Variants in RAPGEF1 observed in about 807,000 individuals in gnomAD.
RAPGEF1 encodes Rap guanine nucleotide exchange factor 1.
A neutral mutation model predicts 143.3 loss-of-function variants in RAPGEF1; 33 were observed. The observed-to-expected ratio is 0.23, with a 90% CI of 0.17 to 0.31. The LOEUF is 0.31. RAPGEF1 is among the 10% of genes least tolerant of loss of function. The probability of loss-of-function intolerance (pLI) is 1.00; values close to 1 mark genes in which losing one functional copy is unlikely to be tolerated. For synonymous variants in RAPGEF1, 629 were observed against 676.5 expected, an observed-to-expected ratio of 0.93 and a Z score of 1.09; for missense variants, 1,199 against 1,645.4, an observed-to-expected ratio of 0.73 and a Z score of 4.69.
In RAPGEF1 at chr9:131,621,764, A is replaced by G. The variant is rs768653924; in HGVS notation, c.1905+32T>C. On this transcript the variant is annotated intron_variant, in intron 11 of 26. Coordinates refer to ENST00000683357, the MANE Select transcript of RAPGEF1 (RefSeq NM_001377935.1). The surrounding 1 kb of genome is among the most constrained non-coding windows in gnomAD (Gnocchi z 4.5). The stretch of plus-strand genomic sequence containing the variant: ...GTTCCTAGAGACCTGCTAGGATCGG[A>G]AGTTCTAGTCACAAGGGAAGGTGTC... The G allele has an allele frequency of 1.3e-6, 2 of 1,572,322 alleles. No individual in the cohort carries two copies. The highest frequency in any genetic ancestry group is 1.7e-6 in the Non-Finnish European group (2 of 1,159,048).
At position 131,579,034 on chromosome 9, in the gene RAPGEF1, G is replaced by A. The variant is rs1951481867; in HGVS notation, c.*463C>T. On this transcript the variant is annotated 3_prime_UTR_variant, in exon 27 of 27. Coordinates refer to ENST00000683357, the MANE Select transcript of RAPGEF1 (RefSeq NM_001377935.1). ...ACCCAGCTGCTTGCCCCCATTCCAG[G>A]GCCCCTGCAGGACAGGCCACCCCAG... 6.3e-6 allele frequency: 1 copy of A among 157,950 alleles called. No individual in the cohort carries two copies. The highest frequency in any genetic ancestry group is 1.8e-4 in the South Asian group (1 of 5,482). The allele number at this position is 157,950 out of a possible 1,614,324, so 9.8% of individuals were successfully genotyped here. A position where few individuals can be genotyped will look rare whatever the true frequency, so the allele number is the denominator to read the frequency against.
intron 1 of RAPGEF1, among the ~76,000 whole-genome samples, chr9:131,739,507 G>C (rs548498068): frequency 6.6e-6 from 1 of 151,656 alleles, no homozygotes; most frequent in South Asian, 2.1e-4. Flanking sequence ...ACCGCGGAGC[G>C]GCTAGCGCGC....
intron 3 of RAPGEF1, among the ~76,000 whole-genome samples, chr9:131,649,770 C>T (rs761964160): frequency 7.9e-5 from 12 of 152,128 alleles, no homozygotes; most frequent in Non-Finnish European, 1.3e-4. Context: ...CTTCAGAAGC[C>T]TTTTCCCTTC....
intron 1 of RAPGEF1, among the ~76,000 whole-genome samples, chr9:131,699,685 T>C (rs1405614877): frequency 6.6e-6 from 1 of 152,142 alleles, no homozygotes; most frequent in African/African-American, 2.4e-5. Context: ...AGGAACACTT[T>C]CTGCAGTTGG....
At chr9:131,723,508 C>T (rs920213463) in intron 1 of RAPGEF1, among the ~76,000 whole-genome samples, 8 of 152,336 alleles carry the variant, frequency 5.3e-5, no homozygotes, top group Admixed American at 1.3e-4. Flanking sequence ...AGGCACCTCA[C>T]GGTCTAGTGG....
chr9:131,674,984 G>A (rs1251413844), intron 1 of RAPGEF1, among the ~76,000 whole-genome samples: 1 of 152,160 alleles, frequency 6.6e-6, no homozygotes, highest in Non-Finnish European at 1.5e-5. Flanking sequence ...CCCAGAAGCA[G>A]ACTCCTGGGA....
chr9:131,589,470 G>A lies in RAPGEF1; in HGVS notation c.2867+416C>T, dbSNP rs551797240. Reference sequence around the variant, plus strand: ...GTCCGCCTGATGGAGATTTGTTAGCGGAACGGATATGGCCAAGTGCCATGC... The same window carrying A: ...GTCCGCCTGATGGAGATTTGTTAGCAGAACGGATATGGCCAAGTGCCATGC... On this transcript the variant is annotated intron_variant, in intron 19 of 26. Coordinates refer to ENST00000683357, the MANE Select transcript of RAPGEF1 (RefSeq NM_001377935.1). Among the ~76,000 whole-genome samples, 143 of 152,352 alleles carry A rather than the reference G, an allele frequency of 9.4e-4. 1 individual carries two copies. Among genetic ancestry groups the A allele is most frequent in the African/African-American group, 3.2e-3 (134 of 41,572 alleles).
intron 4 of RAPGEF1, 44 bp downstream of exon 4, chr9:131,643,195 G>A: frequency 6.4e-7 from 1 of 1,556,772 alleles, no homozygotes; most frequent in East Asian, 2.3e-5. Flanking sequence ...TGCTTCTAAG[G>A]CTTCCATTGT....
intron 15 of RAPGEF1, chr9:131,598,685 G>C: frequency 2.5e-6 from 1 of 403,146 alleles, no homozygotes; most frequent in Non-Finnish European, 4.9e-6. Context: ...CATTGCTCTT[G>C]AGGCTGCTCC....
intron 12 of RAPGEF1, among the ~76,000 whole-genome samples, chr9:131,607,610 A>G (rs1420711025): frequency 6.6e-6 from 1 of 152,072 alleles, no homozygotes. Flanking sequence ...GAACCCTTGT[A>G]TGACTGTTTC....
rs1972100156 is a variant in RAPGEF1 at position 131,655,113 on chromosome 9, C to T, written c.62-4164G>A. 6.6e-6 allele frequency among the ~76,000 whole-genome samples: 1 copy of T among 152,216 alleles called. No homozygotes were observed. The highest frequency in any genetic ancestry group is 6.5e-5 in the Admixed American group (1 of 15,280). Reference sequence around the variant, plus strand: ...TATTGCTGCACGTGACTTAACAAGGCCAAAGTTCAGTTCCCTTGCTAAAGA... The same window carrying T: ...TATTGCTGCACGTGACTTAACAAGGTCAAAGTTCAGTTCCCTTGCTAAAGA... On this transcript the variant is annotated intron_variant, in intron 1 of 26. Transcript: ENST00000683357. The surrounding 1 kb of genome is among the most constrained non-coding windows in gnomAD (Gnocchi z 4.1).
intron 16 of RAPGEF1, among the ~76,000 whole-genome samples, chr9:131,597,221 C>T (rs1435552495): frequency 1.3e-5 from 2 of 152,196 alleles, no homozygotes; most frequent in East Asian, 3.9e-4. Flanking sequence ...TATTTTTAGG[C>T]TTTGGTATTT....
chr9:131,640,601 ACTCTCG>A (rs1967639909), intron 4 of RAPGEF1, among the ~76,000 whole-genome samples: 1 of 151,762 alleles, frequency 6.6e-6, no homozygotes, highest in Non-Finnish European at 1.5e-5. Flanking sequence ...GACGAGTGTG[ACTCTCG>A]CTCTCACATG....
chr9:131,615,540 C>T (rs1958843564), intron 12 of RAPGEF1, among the ~76,000 whole-genome samples: 1 of 152,196 alleles, frequency 6.6e-6, no homozygotes, highest in South Asian at 2.1e-4. Context: ...GAGAGAAGCC[C>T]AGCAAACAGT....
chr9:131,730,097 G>A (rs1836935271), intron 1 of RAPGEF1, among the ~76,000 whole-genome samples: 1 of 150,840 alleles, frequency 6.6e-6, no homozygotes, highest in Non-Finnish European at 1.5e-5. Flanking sequence ...AGGAGGCTGA[G>A]GCAGGAGAAT....
intron 1 of RAPGEF1, among the ~76,000 whole-genome samples, chr9:131,682,318 G>A (rs1832979500): frequency 6.6e-6 from 1 of 152,336 alleles, no homozygotes; most frequent in African/African-American, 2.4e-5. Flanking sequence ...TTCGGGAAAC[G>A]CCATGAGGGG....
At position 131,627,926 on chromosome 9, in the gene RAPGEF1, G is replaced by A; in HGVS notation, c.1188C>T (p.Ser396=). 6.3e-7 allele frequency: 1 copy of A among 1,583,990 alleles called. No homozygotes were observed. Among genetic ancestry groups the A allele is most frequent in the Non-Finnish European group, 8.6e-7 (1 of 1,165,026 alleles). The change falls in exon 9 of 27, where the codon AGC becomes AGT. Residue 396 remains serine (S), a synonymous_variant. Transcript: ENST00000683357. ...GTGGCGGCTCACCTAGTGTTTCACA[G>A]CTTGTGTTCCGGGAGCACTGCCCAC... ...RDSGQCSRNT[S]CETLDHYDPD... is the part of the protein sequence containing the mutation.
At chr9:131,682,958 G>T (rs183226856) in intron 1 of RAPGEF1, among the ~76,000 whole-genome samples, 10 of 152,186 alleles carry the variant, frequency 6.6e-5, no homozygotes, top group Non-Finnish European at 1.2e-4. Context: ...CATTGTGAAG[G>T]GCCCGATGGA....
intron 1 of RAPGEF1, among the ~76,000 whole-genome samples, chr9:131,676,929 T>TGTGGGTA (rs1554856782): frequency 2.0e-5 from 3 of 152,078 alleles, no homozygotes; most frequent in African/African-American, 7.2e-5. Context: ...GCAGACACTC[T>TGTGGGTA]GGGGGTAGGC....
Sources: allele counts gnomAD v4.1 joint callset (sites outside exome capture counted in the v4.1 genomes callset), GRCh38; gene constraint gnomAD v4.1.1; non-coding constraint Gnocchi (gnomAD v3.1); transcripts MANE v1.5; gene names NCBI Gene and HGNC (gene_info 2026-07-23, HGNC 2026-07-21).